PTPRN2: variants seen among roughly 807,000 people sequenced by gnomAD.
PTPRN2 encodes the protein receptor-type tyrosine-protein phosphatase N2.
A neutral mutation model predicts 118.8 loss-of-function variants in PTPRN2; 74 were observed. The observed-to-expected ratio is 0.62, with a 90% CI of 0.52 to 0.76. The LOEUF is 0.76. Among genes scored for constraint, PTPRN2 ranks in the 30% least tolerant of loss-of-function variants. The pLI is 0.00. For missense variants in PTPRN2, 1,481 were observed against 1,394.4 expected (o/e 1.06, Z -0.99); for synonymous variants, 641 against 608.0 (o/e 1.05, Z -0.80).
At chr7:157,741,006 A>C (rs1044651520) in intron 12 of PTPRN2, among the ~76,000 whole-genome samples, 3 of 152,166 alleles carry the variant, frequency 2.0e-5, no homozygotes, top group Non-Finnish European at 4.4e-5. Flanking sequence ...AAAATAATCA[A>C]ATAAACTCTC....
At chr7:157,834,632 C>T (rs992588798) in intron 12 of PTPRN2, among the ~76,000 whole-genome samples, 8 of 152,260 alleles carry the variant, frequency 5.3e-5, no homozygotes, top group Non-Finnish European at 7.3e-5. Context: ...TCAGGGCGAG[C>T]GGGCGGCTCC....
chr7:158,188,504 CCT>C lies in PTPRN2; in HGVS notation c.549+3821_549+3822del, dbSNP rs1285395562. 7.3e-5 allele frequency among the ~76,000 whole-genome samples: 3 copies of C among 41,124 alleles called. 1 individual carries two copies. In the Admixed American group the frequency reaches 8.3e-4, roughly 11 times the overall value. 27.0% of individuals were successfully genotyped at this position (41,124 alleles called of 152,430 possible). Reference sequence around the variant, plus strand: ...ATGGGGAAGGCCGCCACGCTCGCCCCCTGATGGGGAAGGCCGCCACGCTCGCC... The same window carrying C: ...ATGGGGAAGGCCGCCACGCTCGCCCCGATGGGGAAGGCCGCCACGCTCGCC... On this transcript the variant is annotated intron_variant, in intron 5 of 22. Transcript: ENST00000389418.
chr7:158,286,116 C>A (rs1799753676), intron 3 of PTPRN2, among the ~76,000 whole-genome samples: 1 of 152,192 alleles, frequency 6.6e-6, no homozygotes, highest in African/African-American at 2.4e-5. Flanking sequence ...ATTTTTTGAG[C>A]TACTATAAAT....
rs1464683834 is a variant in PTPRN2 at position 157,861,251 on chromosome 7, A to G, written c.1788+37422T>C. ...ATTCCTGTACCTTTTACATACGTGA[A>G]GTCTATACAATAATGGAACCGAAGC... On this transcript the variant is annotated intron_variant, in intron 12 of 22. Coordinates refer to ENST00000389418, the MANE Select transcript of PTPRN2 (RefSeq NM_002847.5). The surrounding 1 kb of genome is among the most constrained non-coding windows in gnomAD (Gnocchi z 5.8). Among the ~76,000 whole-genome samples, 2 of 152,228 alleles carry G rather than the reference A, an allele frequency of 1.3e-5. No homozygotes were observed. Among genetic ancestry groups the G allele is most frequent in the Non-Finnish European group, 2.9e-5 (2 of 68,038 alleles).
At chr7:158,385,784 C>A (rs927456364) in intron 2 of PTPRN2, among the ~76,000 whole-genome samples, 1 of 152,124 alleles carries the variant, frequency 6.6e-6, no homozygotes, top group African/African-American at 2.4e-5. Context: ...GGGTTGGTGA[C>A]CTTGTGCGTC....
chr7:157,737,983 A>G (rs1050029835), intron 12 of PTPRN2, among the ~76,000 whole-genome samples: 1 of 151,970 alleles, frequency 6.6e-6, no homozygotes, highest in Non-Finnish European at 1.5e-5. Flanking sequence ...GGGCTCTGCC[A>G]CTCACCCCTC....
intron 14 of PTPRN2, among the ~76,000 whole-genome samples, chr7:157,650,861 G>A (rs1805607427): frequency 6.6e-6 from 1 of 152,200 alleles, no homozygotes; most frequent in African/African-American, 2.4e-5. Flanking sequence ...GTGACTTATC[G>A]CTAAGAACTA....
chr7:158,010,699 A>G (rs1468550434), intron 11 of PTPRN2, among the ~76,000 whole-genome samples: 11 of 152,246 alleles, frequency 7.2e-5, no homozygotes, highest in Admixed American at 7.2e-4. Context: ...CCCACATAAC[A>G]CCAGTATGAG....
At chr7:157,722,798 A>G (rs529006432) in intron 12 of PTPRN2, among the ~76,000 whole-genome samples, 44 of 151,986 alleles carry the variant, frequency 2.9e-4, no homozygotes, top group African/African-American at 1.0e-3. Context: ...GAGGCAAGGG[A>G]GAAGGCAGGG....
At chr7:158,240,497 C>T (rs543866537) in intron 3 of PTPRN2, among the ~76,000 whole-genome samples, 1 of 152,176 alleles carries the variant, frequency 6.6e-6, no homozygotes, top group Non-Finnish European at 1.5e-5. Flanking sequence ...AGCGTGATCT[C>T]AGCTCAGTGC....
intron 12 of PTPRN2, among the ~76,000 whole-genome samples, chr7:157,817,197 C>A (rs1473411434): frequency 6.6e-6 from 1 of 152,230 alleles, no homozygotes; most frequent in African/African-American, 2.4e-5. Flanking sequence ...ACATAAAACC[C>A]TTCACTTGTG....
intron 21 of PTPRN2, among the ~76,000 whole-genome samples, chr7:157,561,413 C>T (rs1360185946): frequency 6.6e-6 from 1 of 152,244 alleles, no homozygotes; most frequent in African/African-American, 2.4e-5. Flanking sequence ...CCATGAGAGC[C>T]CCAAAGGAAC....
intron 10 of PTPRN2, among the ~76,000 whole-genome samples, chr7:158,091,583 G>C (rs1441111216): frequency 1.3e-5 from 2 of 152,126 alleles, no homozygotes; most frequent in Admixed American, 1.3e-4. Flanking sequence ...GGTGCGTGAG[G>C]GATAGGTGAT....
intron 2 of PTPRN2, among the ~76,000 whole-genome samples, chr7:158,333,499 C>T (rs1586319879): frequency 1.3e-5 from 2 of 149,000 alleles, no homozygotes; most frequent in Non-Finnish European, 2.9e-5. Flanking sequence ...GGAGACGTCA[C>T]TCACACCCAC....
At chr7:157,936,038 T>C (rs1799680459) in intron 11 of PTPRN2, among the ~76,000 whole-genome samples, 1 of 152,196 alleles carries the variant, frequency 6.6e-6, no homozygotes, top group Non-Finnish European at 1.5e-5. Flanking sequence ...CAGGGGGGTC[T>C]AGCCATCCTC....
chr7:157,882,276 T>G (rs987433865), intron 12 of PTPRN2, among the ~76,000 whole-genome samples: 2 of 151,538 alleles, frequency 1.3e-5, no homozygotes, highest in African/African-American at 2.4e-5. Flanking sequence ...AAAATGACTG[T>G]CAGAGATCAG....
chr7:158,470,409 C>T (rs191759409), intron 2 of PTPRN2, among the ~76,000 whole-genome samples: 2 of 152,326 alleles, frequency 1.3e-5, no homozygotes, highest in Non-Finnish European at 1.5e-5. Context: ...GTGCTCAACA[C>T]AGCGCTGCCT....
At chr7:158,240,885 T>C (rs1795868777) in intron 3 of PTPRN2, among the ~76,000 whole-genome samples, 1 of 152,234 alleles carries the variant, frequency 6.6e-6, no homozygotes, top group Admixed American at 6.5e-5. Context: ...GCCATCAAAC[T>C]GTTTGTGGAC....
intron 12 of PTPRN2, among the ~76,000 whole-genome samples, chr7:157,766,230 T>C (rs1802478104): frequency 7.0e-6 from 1 of 141,874 alleles, no homozygotes; most frequent in African/African-American, 2.7e-5. Context: ...CACCCATCCA[T>C]CCATCCAACC....
Sources: gnomAD v4.1 joint callset for allele counts (sites outside exome capture counted in the v4.1 genomes callset) on GRCh38, gnomAD v4.1.1 for gene constraint, Gnocchi (gnomAD v3.1) non-coding constraint, MANE v1.5 for transcripts, NCBI Gene and HGNC (gene_info 2026-07-23, HGNC 2026-07-21) for gene names.